The following CACNA1E variants were observed in gnomAD, a reference collection of about 807,000 sequenced individuals.
CACNA1E encodes calcium voltage-gated channel subunit alpha1 E, also known as voltage-dependent R-type calcium channel subunit alpha-1E.
Under a neutral mutation model 259.2 loss-of-function variants are expected in CACNA1E, and 40 were observed. The observed-to-expected ratio is 0.15, with a 90% CI of 0.12 to 0.20. The LOEUF is 0.20. Ranked by LOEUF, CACNA1E falls within the 10% of genes least tolerant of loss-of-function variation. The pLI is 1.00. For synonymous variants in CACNA1E, 1,104 were observed against 1,138.5 expected, an observed-to-expected ratio of 0.97 and a Z score of 0.61; for missense variants, 1,874 against 3,040.1, an observed-to-expected ratio of 0.62 and a Z score of 9.02.
At chr1:181,558,107 G>C (rs1322582623) in intron 3 of CACNA1E, among the ~76,000 whole-genome samples, 1 of 152,248 alleles carries the variant, frequency 6.6e-6, no homozygotes, top group Admixed American at 6.5e-5. Context: ...CCAGAAGCAA[G>C]TGACATTTGT....
At chr1:181,538,144 C>T (rs1340711750) in intron 3 of CACNA1E, among the ~76,000 whole-genome samples, 1 of 152,138 alleles carries the variant, frequency 6.6e-6, no homozygotes, top group Non-Finnish European at 1.5e-5. Flanking sequence ...CTTACCCTAC[C>T]AGCTCAATAT....
chr1:181,558,088 A>T (rs6685370), intron 3 of CACNA1E, among the ~76,000 whole-genome samples: 5 of 152,282 alleles, frequency 3.3e-5, no homozygotes, highest in Admixed American at 2.0e-4. Context: ...CCTGGAGAAG[A>T]GAATAATTCC....
chr1:181,532,015 C>T (rs927954430), intron 3 of CACNA1E, among the ~76,000 whole-genome samples: 7 of 152,054 alleles, frequency 4.6e-5, no homozygotes, highest in African/African-American at 1.7e-4. Context: ...GCCATTGCAC[C>T]GTTGCACTCC....
chr1:181,731,376 A>T (rs1655460676), intron 19 of CACNA1E, 145 bp downstream of exon 19: 2 of 686,558 alleles, frequency 2.9e-6, no homozygotes, highest in Non-Finnish European at 5.4e-6. Context: ...CGTTCACATG[A>T]TCTGTGGATA....
chr1:181,341,258 G>A (rs757777583), intron 1 of CACNA1E, among the ~76,000 whole-genome samples: 2 of 152,138 alleles, frequency 1.3e-5, no homozygotes, highest in Admixed American at 6.5e-5. Flanking sequence ...CTTGGAGCAC[G>A]CCCCACAGCC....
At chr1:181,777,526 A>C (rs1660065820) in intron 38 of CACNA1E, among the ~76,000 whole-genome samples, 1 of 152,212 alleles carries the variant, frequency 6.6e-6, no homozygotes, top group Non-Finnish European at 1.5e-5. Flanking sequence ...TGGCTGAGCA[A>C]CAGCTTTTTC....
intron 1 of CACNA1E, among the ~76,000 whole-genome samples, chr1:181,337,184 C>A (rs1238992550): frequency 1.4e-5 from 2 of 146,880 alleles, no homozygotes. Context: ...GAGATGGAGT[C>A]TCACTCTGTC....
At chr1:181,349,691 C>T (rs902741586) in intron 1 of CACNA1E, among the ~76,000 whole-genome samples, 1 of 151,634 alleles carries the variant, frequency 6.6e-6, no homozygotes, top group Non-Finnish European at 1.5e-5. Context: ...AGGACTCAGG[C>T]CTGTGTAGGG....
chr1:181,322,301 G>C (rs562119540), intron 1 of CACNA1E, among the ~76,000 whole-genome samples: 1 of 152,120 alleles, frequency 6.6e-6, no homozygotes, highest in African/African-American at 2.4e-5. Context: ...GGAAGAGGGT[G>C]GGGGTGAGAG....
chr1:181,350,706 C>A (rs999070597), intron 1 of CACNA1E, among the ~76,000 whole-genome samples: 1 of 152,120 alleles, frequency 6.6e-6, no homozygotes, highest in Non-Finnish European at 1.5e-5. Context: ...TCAACAGAGT[C>A]GTGGCCCCAT....
chr1:181,698,442 T>C (rs1207049115), intron 7 of CACNA1E, among the ~76,000 whole-genome samples: 1 of 152,230 alleles, frequency 6.6e-6, no homozygotes, highest in East Asian at 1.9e-4. Flanking sequence ...TCAGTGAAGT[T>C]GCAGTTTTTA....
intron 6 of CACNA1E, among the ~76,000 whole-genome samples, chr1:181,596,557 C>CGTGGGTGTGTGT (rs1653185705): frequency 7.1e-6 from 1 of 140,490 alleles, no homozygotes; most frequent in Non-Finnish European, 1.5e-5. Context: ...CCACCATGTA[C>CGTGGGTGTGTGT]GTGTGTGTGT....
At chr1:181,421,719 T>C (rs1166955400) in intron 2 of CACNA1E, among the ~76,000 whole-genome samples, 1 of 152,182 alleles carries the variant, frequency 6.6e-6, no homozygotes, top group African/African-American at 2.4e-5. Context: ...TTCTGATCAG[T>C]GGTAAGCCCT....
intron 1 of CACNA1E, among the ~76,000 whole-genome samples, chr1:181,321,671 A>G (rs1329890197): frequency 6.6e-6 from 1 of 152,182 alleles, no homozygotes; most frequent in African/African-American, 2.4e-5. Flanking sequence ...AATTCTAGGC[A>G]TTGTCATTCC....
At chr1:181,428,715 C>T (rs977295109) in intron 2 of CACNA1E, among the ~76,000 whole-genome samples, 1 of 152,154 alleles carries the variant, frequency 6.6e-6, no homozygotes, top group African/African-American at 2.4e-5. Context: ...GAGGTGCCTG[C>T]TTTCAAACCA....
chr1:181,785,480 C>T, intron 42 of CACNA1E, 62 bp downstream of exon 42: 2 of 1,140,598 alleles, frequency 1.8e-6, no homozygotes, highest in Non-Finnish European at 2.6e-6. Context: ...AGGGAATAGG[C>T]CTGTGCCTCC....
chr1:181,715,996 G>A, intron 9 of CACNA1E, 44 bp from the exon 10 acceptor site: 1 of 1,374,720 alleles, frequency 7.3e-7, no homozygotes, highest in African/African-American at 1.4e-5. Flanking sequence ...AATGGTCTGG[G>A]TGTACTTGTG....
intron 3 of CACNA1E, among the ~76,000 whole-genome samples, chr1:181,529,697 C>A (rs1218686075): frequency 6.6e-6 from 1 of 152,228 alleles, no homozygotes; most frequent in Non-Finnish European, 1.5e-5. Flanking sequence ...TAAAATTTGA[C>A]TGCCCCACTG....
At chr1:181,477,660 C>A (rs2102437771) in intron 2 of CACNA1E, among the ~76,000 whole-genome samples, 1 of 152,254 alleles carries the variant, frequency 6.6e-6, no homozygotes, top group Non-Finnish European at 1.5e-5. Context: ...CTGTCCATCC[C>A]CCGCACAACA....
Sources: allele counts gnomAD v4.1 joint callset (sites outside exome capture counted in the v4.1 genomes callset), GRCh38; gene constraint gnomAD v4.1.1; transcripts MANE v1.5; gene names NCBI Gene and HGNC (gene_info 2026-07-23, HGNC 2026-07-21).